ST7: variants seen among roughly 807,000 people sequenced by gnomAD.
The protein encoded by ST7 is suppressor of tumorigenicity 7 protein.
ST7 carries 28 observed loss-of-function variants against 78.7 expected under a neutral mutation model. That is an observed-to-expected ratio of 0.36 (90% confidence interval 0.26 to 0.49). The LOEUF is 0.49. Among genes scored for constraint, ST7 ranks in the 20% least tolerant of loss-of-function variants. The pLI is 0.99. For missense variants in ST7, 418 were observed against 696.0 expected, an observed-to-expected ratio of 0.60 and a Z score of 4.49; for synonymous variants, 247 against 249.6, an observed-to-expected ratio of 0.99 and a Z score of 0.10.
intron 1 of ST7, among the ~76,000 whole-genome samples, chr7:117,052,329 A>T (rs1354587475): frequency 6.6e-6 from 1 of 152,190 alleles, no homozygotes. Context: ...ATGGGGAACT[A>T]AACAGGTTGA....
intron 2 of ST7, among the ~76,000 whole-genome samples, chr7:117,104,072 G>A (rs1801767141): frequency 6.6e-6 from 1 of 152,144 alleles, no homozygotes; most frequent in African/African-American, 2.4e-5. Context: ...ATGGCTTCAA[G>A]TGATTCTCCT....
chr7:117,128,671 G>A (rs1334052439), intron 3 of ST7, among the ~76,000 whole-genome samples: 1 of 151,742 alleles, frequency 6.6e-6, no homozygotes, highest in African/African-American at 2.4e-5. Flanking sequence ...TTCCCAGAGT[G>A]CTTTGTGTTC....
chr7:117,212,908 C>T (rs1792404940), intron 13 of ST7, among the ~76,000 whole-genome samples: 1 of 152,324 alleles, frequency 6.6e-6, no homozygotes, highest in South Asian at 2.1e-4. Context: ...CTTTTGACAT[C>T]GCTTCTGGAT....
At chr7:117,202,954 C>T (rs1330803501) in intron 12 of ST7, among the ~76,000 whole-genome samples, 1 of 152,210 alleles carries the variant, frequency 6.6e-6, no homozygotes, top group Admixed American at 6.5e-5. Flanking sequence ...CCCCAGTGGG[C>T]CCTGCAGAAC....
intron 1 of ST7, among the ~76,000 whole-genome samples, chr7:117,052,856 T>G (rs1006511590): frequency 2.0e-5 from 3 of 152,362 alleles, no homozygotes; most frequent in African/African-American, 7.2e-5. Flanking sequence ...ATCGCGCCAC[T>G]GCACTGCAGC....
chr7:117,071,255 T>C (rs1273765586), intron 1 of ST7, among the ~76,000 whole-genome samples: 1 of 151,990 alleles, frequency 6.6e-6, no homozygotes, highest in Non-Finnish European at 1.5e-5. Context: ...CAAAACAAAC[T>C]ATATTCTAAA....
At chr7:117,158,612 G>T (rs1806886267) in intron 9 of ST7, among the ~76,000 whole-genome samples, 1 of 152,160 alleles carries the variant, frequency 6.6e-6, no homozygotes, top group Non-Finnish European at 1.5e-5. Flanking sequence ...AATGGATGCA[G>T]CTTAATATTT....
intron 1 of ST7, among the ~76,000 whole-genome samples, chr7:117,032,481 C>T (rs1276044672): frequency 6.6e-6 from 1 of 152,086 alleles, no homozygotes; most frequent in African/African-American, 2.4e-5. Flanking sequence ...TTTTGAGACT[C>T]TAATAAATCT....
chr7:117,116,015 A>G (rs1802854420), intron 2 of ST7, among the ~76,000 whole-genome samples: 1 of 152,134 alleles, frequency 6.6e-6, no homozygotes. Context: ...ACTAAGCCCC[A>G]AGGAATCAAG....
At chr7:117,076,299 C>T (rs1799334710) in intron 1 of ST7, among the ~76,000 whole-genome samples, 1 of 152,148 alleles carries the variant, frequency 6.6e-6, no homozygotes, top group Admixed American at 6.5e-5. Flanking sequence ...TGTGGTGAAA[C>T]TGAAAGTAGA....
At chr7:117,037,928 T>C (rs1796981869) in intron 1 of ST7, among the ~76,000 whole-genome samples, 2 of 152,346 alleles carry the variant, frequency 1.3e-5, no homozygotes, top group South Asian at 4.1e-4. Flanking sequence ...TATCTTGATA[T>C]AAGCTGTGTT....
chr7:117,023,409 A>G (rs773405220), intron 1 of ST7, among the ~76,000 whole-genome samples: 23 of 152,222 alleles, frequency 1.5e-4, no homozygotes, highest in Non-Finnish European at 2.9e-4. Flanking sequence ...CTCCAATGAT[A>G]CTAGTCTCAT....
intron 3 of ST7, among the ~76,000 whole-genome samples, chr7:117,123,469 A>C (rs1332150300): frequency 6.6e-6 from 1 of 152,124 alleles, no homozygotes; most frequent in Non-Finnish European, 1.5e-5. Flanking sequence ...GGGCCAGTGG[A>C]GAAATGTAGT....
chr7:117,098,730 G>A, intron 1 of ST7: 1 of 1,277,800 alleles, frequency 7.8e-7, no homozygotes, highest in South Asian at 1.3e-5. Flanking sequence ...TGACATCAAA[G>A]CCCTACTTCT....
intron 1 of ST7, among the ~76,000 whole-genome samples, chr7:117,096,514 T>G (rs1306458116): frequency 6.6e-6 from 1 of 152,256 alleles, no homozygotes; most frequent in Non-Finnish European, 1.5e-5. Flanking sequence ...CTTTTTTTGC[T>G]GAAGGCTTTT....
chr7:117,058,461 T>C (rs1045065910), intron 1 of ST7, among the ~76,000 whole-genome samples: 2 of 152,192 alleles, frequency 1.3e-5, no homozygotes, highest in African/African-American at 2.4e-5. Flanking sequence ...GGAGACTTAT[T>C]TTTCATGAAG....
At chr7:117,178,284 T>C (rs930751228) in intron 10 of ST7, among the ~76,000 whole-genome samples, 2 of 152,190 alleles carry the variant, frequency 1.3e-5, no homozygotes, top group Non-Finnish European at 2.9e-5. Flanking sequence ...TATAACCTAT[T>C]CTCTGTCACC....
At chr7:116,976,145 ATCT>A (rs1793695051) in intron 1 of ST7, among the ~76,000 whole-genome samples, 1 of 151,972 alleles carries the variant, frequency 6.6e-6, no homozygotes. Context: ...GGAGCCTGCA[ATCT>A]CAGCTACTTG....
intron 9 of ST7, among the ~76,000 whole-genome samples, chr7:117,161,743 G>C (rs1184923137): frequency 6.6e-6 from 1 of 151,832 alleles, no homozygotes; most frequent in African/African-American, 2.4e-5. Context: ...GGGATTACAG[G>C]TGTGAGCCAT....
Sources: allele counts gnomAD v4.1 joint callset (sites outside exome capture counted in the v4.1 genomes callset), GRCh38; gene constraint gnomAD v4.1.1; transcripts MANE v1.5; gene names NCBI Gene and HGNC (gene_info 2026-07-23, HGNC 2026-07-21).